The following MYOZ2 variants were observed in gnomAD, a reference collection of about 807,000 sequenced individuals.
MYOZ2 encodes the protein myozenin 2, also known as myozenin-2.
In MYOZ2, 19 loss-of-function variants were observed where a neutral mutation model predicts 25.4. That is an observed-to-expected ratio of 0.75 (90% confidence interval 0.52 to 1.10). MYOZ2 has a LOEUF of 1.10. Ranked by LOEUF, MYOZ2 falls within the 50% of genes least tolerant of loss-of-function variation. MYOZ2 has a pLI of 0.00. For synonymous variants in MYOZ2, 92 were observed against 106.9 expected, an observed-to-expected ratio of 0.86 and a Z score of 0.86; for missense variants, 270 against 317.9, an observed-to-expected ratio of 0.85 and a Z score of 1.15.
intron 3 of MYOZ2, among the ~76,000 whole-genome samples, chr4:119,155,104 A>G (rs1741544412): frequency 6.6e-6 from 1 of 151,546 alleles, no homozygotes; most frequent in African/African-American, 2.4e-5. Context: ...AGGAAGGAAG[A>G]GAGAGGAGGG....
intron 5 of MYOZ2, among the ~76,000 whole-genome samples, chr4:119,168,710 C>CAACAACAACAAA (rs1338062108): frequency 1.3e-5 from 2 of 150,220 alleles, no homozygotes; most frequent in African/African-American, 5.0e-5. Flanking sequence ...ACAACAACAA[C>CAACAACAACAAA]AAAAAACCAC....
chr4:119,181,955 T>C (rs150470897), intron 5 of MYOZ2, among the ~76,000 whole-genome samples: 37 of 152,262 alleles, frequency 2.4e-4, no homozygotes, highest in Non-Finnish European at 4.7e-4. Context: ...AAAACACGAC[T>C]TTATTGTTTT....
chr4:119,180,744 C>T (rs879279631), intron 5 of MYOZ2, among the ~76,000 whole-genome samples: 10 of 152,096 alleles, frequency 6.6e-5, no homozygotes, highest in East Asian at 3.9e-4. Flanking sequence ...TTAGTAGAGA[C>T]GGGGTTTCAC....
At chr4:119,136,647 T>C (rs1350136485) in intron 2 of MYOZ2, 46 bp downstream of exon 2, 6 of 1,550,932 alleles carry the variant, frequency 3.9e-6, no homozygotes, top group Non-Finnish European at 5.3e-6. Flanking sequence ...ACAGCATGAA[T>C]GTGGCTCCAT....
intron 4 of MYOZ2, among the ~76,000 whole-genome samples, chr4:119,161,095 G>A (rs781484313): frequency 2.0e-5 from 3 of 151,756 alleles, no homozygotes; most frequent in Admixed American, 6.6e-5. Context: ...TACTTTTCAC[G>A]CCTAGGAGAT....
At chr4:119,180,365 C>A (rs1191015129) in intron 5 of MYOZ2, among the ~76,000 whole-genome samples, 1 of 152,152 alleles carries the variant, frequency 6.6e-6, no homozygotes, top group African/African-American at 2.4e-5. Context: ...GCAATAACTC[C>A]TGATTCCCAC....
Position 119,186,078 on chromosome 4 carries a change from C to T in MYOZ2, c.673C>T (p.Pro225Ser). ...TCCCAGGTTTATGTCCTTTGTCAAT[C>T]CCCTTTCTGGCAGACGGTCCTTTAA... ...TDPRFMSFVN[P>S]LSGRRSFNRT... The change falls in exon 6 of 6, where the codon CCC (proline) becomes TCC (serine). Residue 225 changes from proline (P) to serine (S), a missense_variant. Pro to Ser is a moderately conservative substitution (Grantham distance 74). Transcript: ENST00000307128. 1 of 1,613,900 alleles carries T rather than the reference C, an allele frequency of 6.2e-7. No homozygotes were observed. The highest frequency in any genetic ancestry group is 2.2e-5 in the East Asian group (1 of 44,844).
At chr4:119,166,277 C>T (rs1741821624) in intron 5 of MYOZ2, among the ~76,000 whole-genome samples, 1 of 151,930 alleles carries the variant, frequency 6.6e-6, no homozygotes, top group African/African-American at 2.4e-5. Context: ...AACCTTGAAG[C>T]GTATGTAGGC....
At chr4:119,143,057 A>C (rs1578724395) in intron 2 of MYOZ2, among the ~76,000 whole-genome samples, 1 of 152,192 alleles carries the variant, frequency 6.6e-6, no homozygotes, top group South Asian at 2.1e-4. Flanking sequence ...GCAGAGGACA[A>C]GAGAGAAAAG....
At chr4:119,162,597 G>T (rs1380688909) in intron 4 of MYOZ2, among the ~76,000 whole-genome samples, 1 of 152,196 alleles carries the variant, frequency 6.6e-6, no homozygotes, top group Non-Finnish European at 1.5e-5. Context: ...TTGTATGAGA[G>T]TTTGTTAAAC....
chr4:119,181,783 C>CAACT (rs1742188285), intron 5 of MYOZ2, among the ~76,000 whole-genome samples: 1 of 151,942 alleles, frequency 6.6e-6, no homozygotes, highest in African/African-American at 2.4e-5. Flanking sequence ...AAAGAATGAA[C>CAACT]AACTATAAGT....
Position 119,186,138 on chromosome 4 carries a change from C to G in MYOZ2, c.733C>G (p.Pro245Ala). The change falls in exon 6 of 6, where the codon CCT (proline) becomes GCT (alanine). Residue 245 changes from proline (P) to alanine (A), a missense_variant. Transcript: ENST00000307128. ...TAAGGGATGGATATCTGAGAATATT[C>G]CTATAGTGATAACAACCGAACCTAC... ...TPKGWISENI[P>A]IVITTEPTDD... is the part of the protein sequence containing the mutation. 1.2e-6 allele frequency: 2 copies of G among 1,613,906 alleles called. No homozygotes were observed. The highest frequency in any genetic ancestry group is 1.7e-6 in the Non-Finnish European group (2 of 1,179,932).
At chr4:119,170,153 C>T (rs1352670849) in intron 5 of MYOZ2, among the ~76,000 whole-genome samples, 1 of 152,060 alleles carries the variant, frequency 6.6e-6, no homozygotes, top group African/African-American at 2.4e-5. Flanking sequence ...AAACTCTGTA[C>T]CCATTAAACA....
chr4:119,143,355 A>G (rs993138482), intron 2 of MYOZ2, among the ~76,000 whole-genome samples: 4 of 151,714 alleles, frequency 2.6e-5, no homozygotes, highest in East Asian at 1.9e-4. Context: ...ACCACCACAC[A>G]TGGCTAATTT....
chr4:119,165,337 C>G (rs1035332309), intron 5 of MYOZ2, among the ~76,000 whole-genome samples: 1 of 151,016 alleles, frequency 6.6e-6, no homozygotes, highest in Non-Finnish European at 1.5e-5. Context: ...TAGCAAGAAC[C>G]CTGTCTCTAC....
At chr4:119,153,525 T>C (rs373870231) in intron 3 of MYOZ2, among the ~76,000 whole-genome samples, 60 of 152,206 alleles carry the variant, frequency 3.9e-4, no homozygotes, top group African/African-American at 1.3e-3. Context: ...TTATACCACA[T>C]TAATCTGATT....
intron 2 of MYOZ2, among the ~76,000 whole-genome samples, chr4:119,143,493 C>T (rs372699816): frequency 3.3e-4 from 50 of 152,282 alleles, no homozygotes; most frequent in Middle Eastern, 3.4e-3. Context: ...CGCGCCTGGC[C>T]TGGCAATTAA....
At chr4:119,154,487 C>T (rs552987452) in intron 3 of MYOZ2, among the ~76,000 whole-genome samples, 1 of 152,152 alleles carries the variant, frequency 6.6e-6, no homozygotes, top group South Asian at 2.1e-4. Context: ...TGGGTGTCTC[C>T]TGATAATTAA....
At chr4:119,145,580 C>G in intron 2 of MYOZ2, among the ~76,000 whole-genome samples, 1 of 150,798 alleles carries the variant, frequency 6.6e-6, no homozygotes, top group East Asian at 2.0e-4. Context: ...CACCATGTTG[C>G]TCAGGCTGGT....
Sources: allele counts gnomAD v4.1 joint callset (sites outside exome capture counted in the v4.1 genomes callset), GRCh38; gene constraint gnomAD v4.1.1; transcripts MANE v1.5; gene names NCBI Gene and HGNC (gene_info 2026-07-23, HGNC 2026-07-21).